The following TRAPPC2L variants were observed in gnomAD, a reference collection of about 807,000 sequenced individuals.
TRAPPC2L encodes the protein trafficking protein particle complex subunit 2L, also known as trafficking protein particle complex subunit 2-like protein.
A neutral mutation model predicts 13.2 loss-of-function variants in TRAPPC2L; 17 were observed. That is an observed-to-expected ratio of 1.29 (90% CI 0.88 to 1.93). TRAPPC2L has a LOEUF of 1.93. Among genes scored for constraint, TRAPPC2L ranks in the 30% most tolerant of loss-of-function variants. The pLI is 0.00. For missense variants in TRAPPC2L, 359 were observed against 252.1 expected (o/e 1.42, Z -2.87); for synonymous variants, 150 against 98.1 (o/e 1.53, Z -3.12).
chr16:88,861,532 C>T (rs1356421327), exon 4 of TRAPPC2L: 8 of 410,280 alleles, frequency 1.9e-5, no homozygotes, highest in Non-Finnish European at 3.1e-5. Context: ...GGCCCCGCGG[C>T]GTTGGCTCAG....
At chr16:88,858,545 C>T in intron 1 of TRAPPC2L, 74 bp from the exon 2 acceptor site, 1 of 1,543,874 alleles carries the variant, frequency 6.5e-7, no homozygotes, top group South Asian at 1.2e-5. Context: ...GGTCACGGCT[C>T]TGCAGCATAG....
intron 1 of TRAPPC2L, chr16:88,857,459 C>T (rs1328721305): frequency 1.6e-5 from 7 of 429,436 alleles, no homozygotes; most frequent in Non-Finnish European, 2.9e-5. Context: ...TAGGTGGTCC[C>T]GGGCACTACC....
chr16:88,859,559 TC>T (rs1968222912), intron 2 of TRAPPC2L, 103 bp from the exon 3 acceptor site: 1 of 1,093,934 alleles, frequency 9.1e-7, no homozygotes, highest in Non-Finnish European at 1.4e-6. Context: ...CATGGGCATT[TC>T]CTGTGATTCA....
At chr16:88,860,372 C>T (rs866208909) in exon 4 of TRAPPC2L, 1 of 640,500 alleles carries the variant, frequency 1.6e-6, no homozygotes. Flanking sequence ...TTGCAGGTGT[C>T]TTCCGAATAG....
At position 88,861,455 on chromosome 16, in the gene TRAPPC2L, A is replaced by G. The variant is rs535137731; in HGVS notation, c.*1131A>G. 1,310 of 347,556 alleles carry G rather than the reference A, an allele frequency of 3.8e-3. 4 individuals carry two copies. The highest frequency in any genetic ancestry group is 5.4e-3 in the Non-Finnish European group (933 of 174,166). 21.5% of individuals were successfully genotyped at this position (347,556 alleles called of 1,614,324 possible). A position where few individuals can be genotyped will look rare whatever the true frequency, so the allele number is the denominator to read the frequency against. On this transcript the variant is annotated 3_prime_UTR_variant, in exon 4 of 4. Coordinates refer to ENST00000565504, the Ensembl canonical transcript of TRAPPC2L. ...TCTGGACTTGGCCTCCATTCTTTGC[A>G]TCTGGCTCAATGTCTGGATTCCGCC... is the stretch of plus-strand genomic sequence containing the variant.
intron 2 of TRAPPC2L, chr16:88,859,019 C>T (rs749862502): frequency 5.3e-6 from 3 of 561,126 alleles, no homozygotes; most frequent in Middle Eastern, 4.8e-4. Flanking sequence ...TTGGTTTGCA[C>T]GTGTCCGTTG....
chr16:88,859,971 A>G, exon 4 of TRAPPC2L: 2 of 1,614,096 alleles, frequency 1.2e-6, no homozygotes, highest in Non-Finnish European at 1.7e-6. Context: ...CATCCAGTCC[A>G]GGTGGGCCCT....
rs1431613905 is a variant in TRAPPC2L at position 88,858,804 on chromosome 16, G to A, written c.206+13G>A. 6.2e-7 allele frequency: 1 copy of A among 1,610,164 alleles called. No individual in the cohort carries two copies. Among genetic ancestry groups the A allele is most frequent in the East Asian group, 2.2e-5 (1 of 44,826 alleles). On this transcript the variant is annotated intron_variant, in intron 2 of 3. Coordinates refer to ENST00000565504, the Ensembl canonical transcript of TRAPPC2L. ...AGGACTACAAGGTGTATCTTTCAGG[G>A]CAGGGTGTGTGTCAGGGAGGACCTA...
upstream of TRAPPC2L, chr16:88,856,952 T>C (rs1967956500): frequency 3.5e-6 from 5 of 1,440,336 alleles, no homozygotes; most frequent in East Asian, 1.5e-4. Flanking sequence ...CCGGCTGGGC[T>C]GCGGGGCGGG....
chr16:88,857,092 G>A, upstream of TRAPPC2L: 1 of 1,544,538 alleles, frequency 6.5e-7, no homozygotes, highest in Non-Finnish European at 8.7e-7. Context: ...CGGGGCTTTG[G>A]AGGCCGCGTG....
At chr16:88,860,734 T>G in exon 4 of TRAPPC2L, 1 of 672,038 alleles carries the variant, frequency 1.5e-6, no homozygotes, top group Non-Finnish European at 2.6e-6. Flanking sequence ...AGGCAGCAGA[T>G]GGGTTCTCAG....
At chr16:88,857,809 C>T (rs574723445) in intron 1 of TRAPPC2L, among the ~76,000 whole-genome samples, 1 of 152,336 alleles carries the variant, frequency 6.6e-6, no homozygotes, top group Non-Finnish European at 1.5e-5. Context: ...GGCCCACATA[C>T]ATTTCAACTG....
chr16:88,859,260 C>T (rs1330133121), intron 2 of TRAPPC2L: 1 of 562,016 alleles, frequency 1.8e-6, no homozygotes, highest in East Asian at 4.2e-5. Context: ...TCCATGGTGA[C>T]ATTTGCTAGT....
chr16:88,857,151 A>T (rs752293308), exon 1 of TRAPPC2L: 9 of 1,582,334 alleles, frequency 5.7e-6, no homozygotes, highest in African/African-American at 2.7e-5. Flanking sequence ...GCCTCCCAAG[A>T]TGGCGGTGTG....
rs144667215 is a variant in TRAPPC2L, at chr16:88,860,994, G to A, written c.*670G>A. 767 of 1,560,112 alleles carry A rather than the reference G, an allele frequency of 4.9e-4. 1 individual carries two copies. In the African/African-American group the frequency reaches 8.6e-3, roughly 18 times the overall value. On this transcript the variant is annotated 3_prime_UTR_variant, in exon 4 of 4. Transcript: ENST00000565504. ...GCTGCCAGCCATCGCAGAGGAGCCCGCGCACGACTGTGGTGGGGCCGTCGG... is the reference window on the plus strand; with the variant it reads ...GCTGCCAGCCATCGCAGAGGAGCCCACGCACGACTGTGGTGGGGCCGTCGG...
chr16:88,858,521 C>T, intron 1 of TRAPPC2L, 98 bp from the exon 2 acceptor site: 2 of 1,361,694 alleles, frequency 1.5e-6, no homozygotes, highest in African/African-American at 1.4e-5. Context: ...GAATGCGTTC[C>T]CCGGGTGGCT....
intron 1 of TRAPPC2L, among the ~76,000 whole-genome samples, chr16:88,857,682 C>T (rs1291637944): frequency 2.0e-5 from 3 of 152,258 alleles, no homozygotes; most frequent in Non-Finnish European, 4.4e-5. Context: ...CCCCCCATAA[C>T]CCTTGGCACT....
At chr16:88,859,457 G>A (rs1968216685) in intron 2 of TRAPPC2L, 3 of 703,046 alleles carry the variant, frequency 4.3e-6, no homozygotes, top group African/African-American at 1.7e-5. Context: ...AGGCTTGGCT[G>A]CCTGCTCTTC....
chr16:88,859,165 C>A, intron 2 of TRAPPC2L: 2 of 438,744 alleles, frequency 4.6e-6, no homozygotes, highest in South Asian at 3.9e-5. Context: ...CCTCTTATGT[C>A]ACTAGACACT....
Sources: allele counts gnomAD v4.1 joint callset (sites outside exome capture counted in the v4.1 genomes callset), GRCh38; gene constraint gnomAD v4.1.1; transcripts MANE v1.5; gene names NCBI Gene and HGNC (gene_info 2026-07-23, HGNC 2026-07-21).